TAFA1: variants seen among roughly 807,000 people sequenced by gnomAD.
TAFA1 encodes the protein chemokine-like protein TAFA-1.
In TAFA1, 4 loss-of-function variants were observed where a neutral mutation model predicts 18.5. That is an observed-to-expected ratio of 0.22 (90% confidence interval 0.11 to 0.49). TAFA1 has a LOEUF of 0.49. TAFA1 is among the 20% of genes least tolerant of loss of function. The probability of loss-of-function intolerance (pLI) is 0.98; values close to 1 mark genes in which losing one functional copy is unlikely to be tolerated. For synonymous variants in TAFA1, 56 were observed against 55.2 expected (o/e 1.01, Z -0.06); for missense variants, 147 against 169.0 (o/e 0.87, Z 0.72).
At chr3:68,388,490 T>C (rs2070154682) in intron 2 of TAFA1, among the ~76,000 whole-genome samples, 1 of 152,190 alleles carries the variant, frequency 6.6e-6, no homozygotes, top group Non-Finnish European at 1.5e-5. Context: ...TTCTCTAATA[T>C]ATCATAGCTA....
intron 2 of TAFA1, among the ~76,000 whole-genome samples, chr3:68,158,118 T>C (rs2065885288): frequency 2.6e-5 from 4 of 152,284 alleles, no homozygotes; most frequent in Admixed American, 6.5e-5. Flanking sequence ...CCCAATCCAA[T>C]GGCTCTGCTT....
intron 2 of TAFA1, among the ~76,000 whole-genome samples, chr3:68,139,728 G>C (rs1486284644): frequency 2.6e-5 from 4 of 152,102 alleles, no homozygotes; most frequent in Admixed American, 2.6e-4. Flanking sequence ...ATTAAGCCTT[G>C]AGTTTGTTAC....
intron 3 of TAFA1, among the ~76,000 whole-genome samples, chr3:68,494,475 A>C (rs550042900): frequency 2.6e-5 from 4 of 152,152 alleles, no homozygotes; most frequent in Non-Finnish European, 5.9e-5. Flanking sequence ...ACAGCTGAAA[A>C]ATATATATCC....
At chr3:68,538,639 G>A in intron 3 of TAFA1, 117 bp from the exon 4 acceptor site, 2 of 942,720 alleles carry the variant, frequency 2.1e-6, no homozygotes, top group African/African-American at 1.6e-5. Context: ...TAGTCATGGA[G>A]GATTAAAGAG....
chr3:68,349,365 T>C (rs1030103990), intron 2 of TAFA1, among the ~76,000 whole-genome samples: 3 of 152,052 alleles, frequency 2.0e-5, no homozygotes, highest in African/African-American at 7.2e-5. Context: ...CTGGACATGA[T>C]ATTCTCTTAT....
intron 2 of TAFA1, among the ~76,000 whole-genome samples, chr3:68,334,043 C>T (rs2068927370): frequency 6.6e-6 from 1 of 152,072 alleles, no homozygotes; most frequent in African/African-American, 2.4e-5. Context: ...ACAAAACTTT[C>T]AGTTATAAGA....
intron 2 of TAFA1, among the ~76,000 whole-genome samples, chr3:68,292,012 A>G (rs1188751069): frequency 6.6e-6 from 1 of 152,150 alleles, no homozygotes; most frequent in Non-Finnish European, 1.5e-5. Context: ...ATATAACCAC[A>G]GTTTTAGCTA....
intron 2 of TAFA1, among the ~76,000 whole-genome samples, chr3:68,222,665 T>C (rs2066745922): frequency 6.6e-6 from 1 of 151,936 alleles, no homozygotes; most frequent in Admixed American, 6.6e-5. Context: ...GTGGAGAGTA[T>C]TGTTTTTATT....
intron 2 of TAFA1, among the ~76,000 whole-genome samples, chr3:68,062,507 C>T (rs899648780): frequency 2.3e-4 from 35 of 152,128 alleles, no homozygotes; most frequent in African/African-American, 7.7e-4. Context: ...AAATAAACAG[C>T]AAGAACAAAG....
intron 2 of TAFA1, among the ~76,000 whole-genome samples, chr3:68,007,244 C>G (rs867778112): frequency 7.2e-5 from 11 of 152,214 alleles, no homozygotes; most frequent in African/African-American, 2.7e-4. Context: ...CCTTCACTTT[C>G]TGTTCTTCCG....
chr3:68,428,808 C>G (rs1215226421), intron 3 of TAFA1, among the ~76,000 whole-genome samples: 3 of 151,944 alleles, frequency 2.0e-5, no homozygotes, highest in Non-Finnish European at 2.9e-5. Context: ...AGGTCACATC[C>G]TTTAAATTTA....
intron 3 of TAFA1, among the ~76,000 whole-genome samples, chr3:68,481,974 C>G (rs749290441): frequency 2.6e-5 from 4 of 152,156 alleles, no homozygotes; most frequent in Admixed American, 6.6e-5. Context: ...GAATCTGTTA[C>G]TCAAGAAAAG....
intron 3 of TAFA1, among the ~76,000 whole-genome samples, chr3:68,519,033 A>G (rs2072973229): frequency 6.6e-6 from 1 of 152,232 alleles, no homozygotes. Context: ...TCGTTTATAT[A>G]TATCAAGGTG....
chr3:68,045,802 C>T (rs532673186), intron 2 of TAFA1, among the ~76,000 whole-genome samples: 7 of 152,074 alleles, frequency 4.6e-5, no homozygotes, highest in African/African-American at 9.7e-5. Flanking sequence ...TCATTCATTT[C>T]GTTATTTTTC....
intron 2 of TAFA1, among the ~76,000 whole-genome samples, chr3:68,095,804 A>T (rs193238102): frequency 3.3e-5 from 5 of 152,132 alleles, no homozygotes; most frequent in Non-Finnish European, 5.9e-5. Context: ...AAGTATGTTT[A>T]ACTTTACTTG....
chr3:68,535,523 A>G (rs1209929347), intron 3 of TAFA1, among the ~76,000 whole-genome samples: 1 of 152,170 alleles, frequency 6.6e-6, no homozygotes, highest in African/African-American at 2.4e-5. Context: ...TTTACCACCT[A>G]TGCTTGCTGG....
chr3:68,500,872 A>C (rs2072645289), intron 3 of TAFA1, among the ~76,000 whole-genome samples: 1 of 152,118 alleles, frequency 6.6e-6, no homozygotes, highest in Non-Finnish European at 1.5e-5. Context: ...CTATCAAAAG[A>C]GGGGGAAAAT....
chr3:68,366,029 C>G (rs1009143724), intron 2 of TAFA1, among the ~76,000 whole-genome samples: 1 of 140,924 alleles, frequency 7.1e-6, no homozygotes, highest in African/African-American at 2.7e-5. Context: ...GAGGTTGCAG[C>G]AAGCCGAGAT....
chr3:68,462,853 A>G (rs1510348), intron 3 of TAFA1, among the ~76,000 whole-genome samples: 82,150 of 152,030 alleles, frequency 0.54, 23,158 homozygotes, highest in African/African-American at 0.71. Context: ...TCCATGGAAT[A>G]TACATATTTT....
Sources: gnomAD v4.1 joint callset for allele counts (sites outside exome capture counted in the v4.1 genomes callset) on GRCh38, gnomAD v4.1.1 for gene constraint, MANE v1.5 for transcripts, NCBI Gene and HGNC (gene_info 2026-07-23, HGNC 2026-07-21) for gene names.